The following FER variants were observed in gnomAD, a reference collection of about 807,000 sequenced individuals.
The protein encoded by FER is FER tyrosine kinase.
A neutral mutation model predicts 111.0 loss-of-function variants in FER; 63 were observed. The ratio of observed to expected loss-of-function variants is 0.57; its 90% CI spans 0.46 to 0.70. The LOEUF (loss-of-function observed/expected upper bound fraction) is 0.70. FER is among the 30% of genes least tolerant of loss of function. FER has a pLI of 0.00. For missense variants in FER, 914 were observed against 954.0 expected (o/e 0.96, Z 0.55); for synonymous variants, 327 against 313.9 (o/e 1.04, Z -0.44).
intron 16 of FER, among the ~76,000 whole-genome samples, chr5:109,087,382 A>G (rs921118230): frequency 2.6e-5 from 4 of 151,902 alleles, no homozygotes; most frequent in African/African-American, 9.7e-5. Flanking sequence ...ATGTTCAATT[A>G]TATTGAGTTG....
intron 13 of FER, among the ~76,000 whole-genome samples, chr5:109,020,462 A>G (rs1051164296): frequency 6.6e-6 from 1 of 152,076 alleles, no homozygotes; most frequent in African/African-American, 2.4e-5. Context: ...ATTCTTTGTT[A>G]TTTAATAAAA....
chr5:108,989,230 GA>G (rs1762902323), intron 13 of FER, among the ~76,000 whole-genome samples: 1 of 151,788 alleles, frequency 6.6e-6, no homozygotes, highest in African/African-American at 2.4e-5. Context: ...TATTATAATA[GA>G]AAAAAATCAG....
intron 13 of FER, among the ~76,000 whole-genome samples, chr5:109,031,314 C>T (rs1290042036): frequency 2.0e-5 from 3 of 152,174 alleles, no homozygotes; most frequent in East Asian, 1.9e-4. Context: ...TTCAGAGTTC[C>T]TTGTTTGCCT....
rs753709756 is a variant in FER at position 108,883,424 on chromosome 5, C to G, written c.952C>G (p.Gln318Glu). 2 of 1,607,122 alleles carry G rather than the reference C, an allele frequency of 1.2e-6. No homozygotes were observed. The highest frequency in any genetic ancestry group is 1.7e-6 in the Non-Finnish European group (2 of 1,175,824). The change falls in exon 9 of 20, where the codon CAA (glutamine) becomes GAA (glutamate). Residue 318 changes from glutamine (Q) to glutamate (E), a missense_variant. Coordinates refer to ENST00000281092, the MANE Select transcript of FER (RefSeq NM_005246.4). Reference protein sequence around the residue: ...MLKTLAEELMQTQQMLLNKEE... With the variant: ...MLKTLAEELMETQQMLLNKEE... ...GAAAACGTTAGCGGAAGAACTTATG[C>G]AAACACAGCAGATGCTTTTAAACAA... is the stretch of plus-strand genomic sequence containing the variant.
At chr5:108,867,691 T>G (rs1186174551) in intron 5 of FER, 76 bp from the exon 6 acceptor site, 24 of 1,343,702 alleles carry the variant, frequency 1.8e-5, no homozygotes, top group Non-Finnish European at 2.3e-5. Context: ...CAGTAGTAAT[T>G]CAGTTTGTAT....
chr5:109,144,096 G>A (rs1753807300), intron 17 of FER, among the ~76,000 whole-genome samples: 2 of 152,030 alleles, frequency 1.3e-5, no homozygotes, highest in African/African-American at 4.8e-5. Flanking sequence ...AGCATGATTT[G>A]GAACCATTTT....
At chr5:108,885,026 C>T (rs115817367) in intron 9 of FER, among the ~76,000 whole-genome samples, 1,873 of 152,090 alleles carry the variant, frequency 0.012, 34 homozygotes, top group African/African-American at 0.043. Context: ...AACCCATTCT[C>T]TTCCGCTCAG....
chr5:109,188,778 T>TAAC lies in FER; in HGVS notation c.*1205_*1207dup, dbSNP rs1759151353. ...ACTGCAAAGCACAAATCCACAGAAA[T>TAAC]AACAGCATACTTTCAGTTAAGCATT... On this transcript the variant is annotated 3_prime_UTR_variant, in exon 20 of 20. Coordinates refer to ENST00000281092, the MANE Select transcript of FER (RefSeq NM_005246.4). The TAAC allele has an allele frequency of 6.6e-6, 1 of 152,134 alleles. No individual in the cohort carries two copies. Among genetic ancestry groups the TAAC allele is most frequent in the African/African-American group, 2.4e-5 (1 of 41,442 alleles). 9.4% of individuals were successfully genotyped at this position (152,134 alleles called of 1,614,324 possible). A position where few individuals can be genotyped will look rare whatever the true frequency, so the allele number is the denominator to read the frequency against.
At chr5:109,047,041 T>C (rs72790585) in intron 15 of FER, 63 bp from the exon 16 acceptor site, 110,063 of 896,128 alleles carry the variant, frequency 0.12, 7,719 homozygotes, top group Middle Eastern at 0.15. Context: ...ACCCTATTTG[T>C]GATCACAAAT....
At chr5:108,758,410 T>G (rs1408292119) in intron 1 of FER, among the ~76,000 whole-genome samples, 1 of 152,216 alleles carries the variant, frequency 6.6e-6, no homozygotes, top group Non-Finnish European at 1.5e-5. Context: ...GTGATAATAC[T>G]AGAATTTTCA....
chr5:109,051,982 A>T, intron 16 of FER: 2 of 1,586,212 alleles, frequency 1.3e-6, no homozygotes, highest in Non-Finnish European at 1.7e-6. Context: ...CTTGAAGAGG[A>T]TACTGATGAT....
chr5:108,824,596 T>G (rs1222451659), intron 3 of FER, among the ~76,000 whole-genome samples: 4 of 152,150 alleles, frequency 2.6e-5, no homozygotes, highest in African/African-American at 9.7e-5. Flanking sequence ...TTTTGGATAG[T>G]TTGTTGTTAC....
intron 5 of FER, among the ~76,000 whole-genome samples, chr5:108,863,440 C>A (rs1763730235): frequency 6.6e-6 from 1 of 151,956 alleles, no homozygotes; most frequent in African/African-American, 2.4e-5. Context: ...CTTTTGGGGA[C>A]TTTTAATGAA....
intron 10 of FER, among the ~76,000 whole-genome samples, chr5:108,898,170 A>G (rs1244535265): frequency 6.6e-6 from 1 of 152,186 alleles, no homozygotes; most frequent in East Asian, 1.9e-4. Flanking sequence ...AAGCAATAAG[A>G]AGAAAGCTAT....
intron 2 of FER, among the ~76,000 whole-genome samples, chr5:108,774,744 T>C (rs1335847839): frequency 6.6e-6 from 1 of 152,038 alleles, no homozygotes; most frequent in African/African-American, 2.4e-5. Context: ...AGAAGGGTTT[T>C]TTTTTTCTTG....
At chr5:109,110,294 T>C (rs984517367) in intron 17 of FER, among the ~76,000 whole-genome samples, 17 of 152,012 alleles carry the variant, frequency 1.1e-4, no homozygotes, top group African/African-American at 4.1e-4. Context: ...ATATAGAGGA[T>C]AATAGGACAA....
intron 19 of FER, among the ~76,000 whole-genome samples, chr5:109,187,021 C>T (rs1207135337): frequency 2.0e-5 from 3 of 152,178 alleles, no homozygotes; most frequent in African/African-American, 4.8e-5. Context: ...TTTTATTTCC[C>T]TATTGAATTC....
At chr5:109,125,016 A>C (rs11950761) in intron 17 of FER, among the ~76,000 whole-genome samples, 7,628 of 145,932 alleles carry the variant, frequency 0.052, 240 homozygotes, top group South Asian at 0.083. Flanking sequence ...ACTGCACTCC[A>C]GCCTGGGCGA....
Position 108,910,282 on chromosome 5 carries a change from C to T in FER, c.1236+12434C>T, listed in dbSNP as rs185476546. ...GTCTATCATCATCTACAGTGGCTTC[C>T]TTCGAACCTGCTCTCTACTCTAGCC... On this transcript the variant is annotated intron_variant, in intron 10 of 19. Transcript: ENST00000281092. Among the ~76,000 whole-genome samples, 625 of 152,152 alleles carry T rather than the reference C, an allele frequency of 4.1e-3. 8 individuals carry two copies. The highest frequency in any genetic ancestry group is 0.014 in the African/African-American group (580 of 41,524).
Sources: gnomAD v4.1 joint callset for allele counts (sites outside exome capture counted in the v4.1 genomes callset) on GRCh38, gnomAD v4.1.1 for gene constraint, MANE v1.5 for transcripts, NCBI Gene and HGNC (gene_info 2026-07-23, HGNC 2026-07-21) for gene names.